The following FAT3 variants were observed in gnomAD, a reference collection of about 807,000 sequenced individuals.
FAT3 encodes the protein FAT atypical cadherin 3.
A neutral mutation model predicts 310.2 loss-of-function variants in FAT3; 95 were observed. The observed-to-expected ratio is 0.31, with a 90% CI of 0.26 to 0.36. FAT3 has a LOEUF of 0.36. FAT3 is among the 10% of genes least tolerant of loss of function. The pLI, the probability that FAT3 is intolerant of heterozygous loss-of-function variation, is 1.00. For missense variants in FAT3, 5,408 were observed against 5,715.6 expected, an observed-to-expected ratio of 0.95 and a Z score of 1.74; for synonymous variants, 2,314 against 2,192.9, an observed-to-expected ratio of 1.06 and a Z score of -1.54.
rs752028287 is a variant in FAT3 at position 92,890,955 on chromosome 11, T to C, written c.13612T>C (p.Leu4538=). 6.2e-7 allele frequency: 1 copy of C among 1,613,978 alleles called. No individual in the cohort carries two copies. The highest frequency in any genetic ancestry group is 2.2e-5 in the East Asian group (1 of 44,884). ...CCCAGCAGACAGCGTGTCTCTGTCC[T>C]TGCACAATTCCAGAGGCACCTCATC... The part of the protein sequence containing the change: ...TGPADSVSLS[L]HNSRGTSSSD... The change falls in exon 28 of 28, where the codon TTG becomes CTG. Residue 4538 remains leucine (L), a synonymous_variant. Coordinates refer to ENST00000525166, the MANE Select transcript of FAT3 (RefSeq NM_001367949.2).
At chr11:92,555,474 C>T (rs900619136) in intron 3 of FAT3, among the ~76,000 whole-genome samples, 6 of 152,156 alleles carry the variant, frequency 3.9e-5, no homozygotes, top group African/African-American at 1.4e-4. Context: ...TAACAGTTTG[C>T]GTACCTCTAA....
chr11:92,278,014 A>C (rs1222568779), intron 1 of FAT3, among the ~76,000 whole-genome samples: 1 of 152,040 alleles, frequency 6.6e-6, no homozygotes, highest in Admixed American at 6.6e-5. Context: ...TGAGCCTGGG[A>C]AGTCAAGGTG....
intron 2 of FAT3, among the ~76,000 whole-genome samples, chr11:92,370,060 A>G (rs1335561418): frequency 3.3e-5 from 5 of 152,230 alleles, no homozygotes; most frequent in Non-Finnish European, 7.3e-5. Context: ...TAACTGTCCC[A>G]GAGTTCTTTC....
chr11:92,859,967 G>A (rs956659099), intron 21 of FAT3, among the ~76,000 whole-genome samples: 5 of 152,180 alleles, frequency 3.3e-5, no homozygotes, highest in African/African-American at 9.7e-5. Flanking sequence ...TTGGGAAGCT[G>A]AGGCAGGTGC....
At chr11:92,645,724 T>C (rs1312390959) in intron 3 of FAT3, among the ~76,000 whole-genome samples, 2 of 152,214 alleles carry the variant, frequency 1.3e-5, no homozygotes, top group East Asian at 1.9e-4. Context: ...CTACTTTCTA[T>C]AGTTAGCGCT....
intron 1 of FAT3, among the ~76,000 whole-genome samples, chr11:92,343,106 C>T (rs1328645573): frequency 2.6e-5 from 4 of 152,074 alleles, no homozygotes; most frequent in Non-Finnish European, 4.4e-5. Context: ...GTAACACTGC[C>T]GCTGTGTGGC....
chr11:92,804,170 T>A (rs1947439505), intron 10 of FAT3, among the ~76,000 whole-genome samples: 1 of 152,184 alleles, frequency 6.6e-6, no homozygotes, highest in African/African-American at 2.4e-5. Flanking sequence ...ACAGCAGATA[T>A]TTTTGCTGGT....
At chr11:92,763,509 T>C (rs1299484338) in intron 5 of FAT3, among the ~76,000 whole-genome samples, 1 of 152,106 alleles carries the variant, frequency 6.6e-6, no homozygotes, top group Non-Finnish European at 1.5e-5. Flanking sequence ...GTATTGGCTG[T>C]CAATGGCTCA....
chr11:92,334,311 G>A (rs909271839), intron 1 of FAT3, among the ~76,000 whole-genome samples: 5 of 152,136 alleles, frequency 3.3e-5, no homozygotes, highest in Non-Finnish European at 5.9e-5. Context: ...GGGAGTCAAG[G>A]CTGCAGCCAT....
At chr11:92,737,812 T>G (rs796443399) in intron 4 of FAT3, among the ~76,000 whole-genome samples, 29 of 152,194 alleles carry the variant, frequency 1.9e-4, no homozygotes, top group African/African-American at 7.0e-4. Flanking sequence ...CCAGGAGCCA[T>G]ACAGTGTCAA....
Position 92,882,990 on chromosome 11 carries a change from G to A in FAT3, c.12534G>A (p.Lys4178=), listed in dbSNP as rs755733996. The part of the protein sequence containing the change: ...LVVLFIVFRK[K]VFRKNYSRNN... ...TTCTCTTCATAGTCTTCCGCAAGAA[G>A]GTCTTCCGCAAGAACTACTCCCGCA... Residue 4178 remains lysine, a synonymous_variant, in exon 24 of 28, where the codon AAG becomes AAA. Transcript: ENST00000525166. 4 of 1,613,916 alleles carry A rather than the reference G, an allele frequency of 2.5e-6. No individual in the cohort carries two copies. Among genetic ancestry groups the A allele is most frequent in the Non-Finnish European group, 3.4e-6 (4 of 1,179,894 alleles).
chr11:92,747,933 C>T (rs775690675), intron 4 of FAT3, among the ~76,000 whole-genome samples: 17 of 152,200 alleles, frequency 1.1e-4, no homozygotes, highest in Non-Finnish European at 2.5e-4. Context: ...CAAACTTTCC[C>T]ACATTGTTCT....
In FAT3 at chr11:92,883,112, G is replaced by A. The variant is rs769990925; in HGVS notation, c.12656G>A (p.Arg4219His). Reference sequence around the variant, plus strand: ...AACCTGCGCGGCAGTGGGGACGGCCGCAACGTCTACCAGGAGGTGGGGCCC... The same window carrying A: ...AACCTGCGCGGCAGTGGGGACGGCCACAACGTCTACCAGGAGGTGGGGCCC... ...FRNLRGSGDG[R>H]NVYQEVGPPQ... The change falls in exon 24 of 28, where the codon CGC (arginine) becomes CAC (histidine). Residue 4219 changes from arginine to histidine, a missense_variant. Coordinates refer to ENST00000525166, the MANE Select transcript of FAT3 (RefSeq NM_001367949.2). This position sits in a 1 kb window ranked among gnomAD's most constrained non-coding sequence, Gnocchi z 4.2. 3.1e-6 allele frequency: 5 copies of A among 1,613,672 alleles called. No individual in the cohort carries two copies. Among genetic ancestry groups the A allele is most frequent in the Non-Finnish European group, 4.2e-6 (5 of 1,179,904 alleles).
intron 1 of FAT3, among the ~76,000 whole-genome samples, chr11:92,227,012 G>A (rs549007516): frequency 1.6e-4 from 24 of 152,198 alleles, no homozygotes; most frequent in African/African-American, 4.8e-4. Context: ...AACCCGCCCC[G>A]GCCCCAGCCA....
chr11:92,585,729 T>A (rs575686848), intron 3 of FAT3, among the ~76,000 whole-genome samples: 4 of 152,152 alleles, frequency 2.6e-5, no homozygotes, highest in Admixed American at 2.6e-4. Flanking sequence ...CAAGTCTGAT[T>A]CCAGGTTCCA....
chr11:92,344,790 A>G (rs1282885203), intron 1 of FAT3, among the ~76,000 whole-genome samples: 2 of 152,138 alleles, frequency 1.3e-5, no homozygotes, highest in African/African-American at 4.8e-5. Flanking sequence ...ACGGTAACAC[A>G]TCCCGATTGA....
intron 24 of FAT3, among the ~76,000 whole-genome samples, chr11:92,885,111 G>T (rs1479542643): frequency 6.6e-6 from 1 of 152,234 alleles, no homozygotes; most frequent in African/African-American, 2.4e-5. Context: ...TGAGCCTGAT[G>T]ACGAGAGGAG....
intron 2 of FAT3, among the ~76,000 whole-genome samples, chr11:92,396,799 G>A (rs573168743): frequency 2.8e-4 from 43 of 152,052 alleles, no homozygotes; most frequent in Admixed American, 8.5e-4. Flanking sequence ...CTCCACCCTC[G>A]GGGTTGAAGC....
Position 92,799,791 on chromosome 11 carries a change from G to A in FAT3, c.6778G>A (p.Ala2260Thr). ...ATCTGCTTACAAGCTGACAATAAGA[G>A]CCAGCGACGCCCTTACTGGTGCTAG... is the stretch of plus-strand genomic sequence containing the variant. Reference protein sequence around the residue: ...VTSAYKLTIRASDALTGARAE... With the variant: ...VTSAYKLTIRTSDALTGARAE... The change falls in exon 10 of 28, where the codon GCC (alanine) becomes ACC (threonine). Residue 2260 changes from alanine to threonine, a missense_variant. By Grantham distance (58) the Ala-to-Thr change is moderately conservative. Around this residue, in one of 5 missense-constraint regions of FAT3, gnomAD observed 4,588 missense variants for 4,809.8 expected, o/e 0.95. Transcript: ENST00000525166. 6.2e-7 allele frequency: 1 copy of A among 1,612,788 alleles called. No homozygotes were observed. The highest frequency in any genetic ancestry group is 1.1e-5 in the South Asian group (1 of 90,800).
Sources: gnomAD v4.1 joint callset for allele counts (sites outside exome capture counted in the v4.1 genomes callset) on GRCh38, gnomAD v4.1.1 for gene constraint, gnomAD v4.1.1 regional missense constraint, Gnocchi (gnomAD v3.1) non-coding constraint, MANE v1.5 for transcripts, NCBI Gene and HGNC (gene_info 2026-07-23, HGNC 2026-07-21) for gene names.